SVEP1: variants seen among roughly 807,000 people sequenced by gnomAD.
SVEP1 encodes the protein sushi, von Willebrand factor type A, EGF and pentraxin domain containing 1.
Under a neutral mutation model 367.3 loss-of-function variants are expected in SVEP1, and 164 were observed. That is an observed-to-expected ratio of 0.45 (90% CI 0.39 to 0.51). The LOEUF (loss-of-function observed/expected upper bound fraction) is 0.51, where lower values mean the gene tolerates loss of function less well. SVEP1 is among the 20% of genes least tolerant of loss of function. The pLI, the probability that SVEP1 is intolerant of heterozygous loss-of-function variation, is 0.00. For missense variants in SVEP1, 4,117 were observed against 4,425.3 expected, an observed-to-expected ratio of 0.93 and a Z score of 1.98; for synonymous variants, 1,666 against 1,611.6, an observed-to-expected ratio of 1.03 and a Z score of -0.81.
Position 110,481,299 on chromosome 9 carries a change from C to T in SVEP1, c.2308G>A (p.Ala770Thr), listed in dbSNP as rs937587068. ...TEGSTDKYYC[A>T]YEDGVWKPTY... is the part of the protein sequence containing the mutation. ...GGTTTCCAGACGCCATCTTCATAAG[C>T]ACAATAATACTTGTCAGTAGACCCT... The change falls in exon 12 of 48, where the codon GCT becomes ACT. Residue 770 changes from alanine to threonine, a missense_variant. Physicochemically the swap from Ala to Thr is moderately conservative, Grantham distance 58 (BLOSUM62 0). This residue lies in a region of SVEP1 where 2,174 missense variants were observed against 2,494.3 expected (regional missense o/e 0.87). Coordinates refer to ENST00000374469, the MANE Select transcript of SVEP1 (RefSeq NM_153366.4). 1.2e-6 allele frequency: 2 copies of T among 1,606,338 alleles called. No individual in the cohort carries two copies. Among genetic ancestry groups the T allele is most frequent in the Non-Finnish European group, 1.7e-6 (2 of 1,176,088 alleles).
intron 9 of SVEP1, among the ~76,000 whole-genome samples, chr9:110,487,104 G>T (rs531118966): frequency 3.3e-5 from 5 of 152,210 alleles, no homozygotes; most frequent in Non-Finnish European, 7.4e-5. Flanking sequence ...TTACAGGCAT[G>T]TGCCACCACA....
chr9:110,398,434 C>T (rs1270793308), intron 40 of SVEP1, among the ~76,000 whole-genome samples: 1 of 152,140 alleles, frequency 6.6e-6, no homozygotes, highest in East Asian at 1.9e-4. Flanking sequence ...TAGGCATGGG[C>T]AAGGACTTCA....
chr9:110,405,771 T>A (rs1158865383), intron 38 of SVEP1, among the ~76,000 whole-genome samples: 2 of 152,214 alleles, frequency 1.3e-5, no homozygotes, highest in East Asian at 3.8e-4. Flanking sequence ...TTTTGCCTTA[T>A]GTCCCCAATA....
At chr9:110,514,795 T>C (rs1829779586) in intron 3 of SVEP1, among the ~76,000 whole-genome samples, 1 of 152,200 alleles carries the variant, frequency 6.6e-6, no homozygotes, top group African/African-American at 2.4e-5. Flanking sequence ...TGATGTCCCC[T>C]ATAGCCCAAC....
chr9:110,502,556 C>T (rs1209183220), intron 6 of SVEP1, among the ~76,000 whole-genome samples: 1 of 152,066 alleles, frequency 6.6e-6, no homozygotes, highest in African/African-American at 2.4e-5. Context: ...ATCCTTCTTT[C>T]AATTTGCCTT....
intron 5 of SVEP1, among the ~76,000 whole-genome samples, chr9:110,510,354 T>C (rs1017119401): frequency 1.3e-5 from 2 of 152,230 alleles, no homozygotes; most frequent in South Asian, 2.1e-4. Flanking sequence ...GTAAGCTCTA[T>C]TCCCTGAAAT....
rs1464590830 is a variant in SVEP1, at chr9:110,579,004, G to A, written c.531+9C>T. ...CTAGGGCCCGGGTCGGGAGGGGCGG[G>A]CGCCTTACCGCGGCTTGCTGGAAGG... is the stretch of plus-strand genomic sequence containing the variant. On this transcript the variant is annotated intron_variant, in intron 1 of 47. Transcript: ENST00000374469. This position sits in a 1 kb window ranked among gnomAD's most constrained non-coding sequence, Gnocchi z 5.3. 4 of 1,542,432 alleles carry A rather than the reference G, an allele frequency of 2.6e-6. No homozygotes were observed. The highest frequency in any genetic ancestry group is 2.6e-6 in the Non-Finnish European group (3 of 1,145,746).
chr9:110,530,069 T>C (rs1252499697), intron 3 of SVEP1, among the ~76,000 whole-genome samples: 1 of 152,206 alleles, frequency 6.6e-6, no homozygotes, highest in African/African-American at 2.4e-5. Flanking sequence ...TATAAAGAGA[T>C]GCTGGATTTT....
chr9:110,534,762 T>G (rs537964920), intron 3 of SVEP1, among the ~76,000 whole-genome samples: 1 of 152,312 alleles, frequency 6.6e-6, no homozygotes, highest in South Asian at 2.1e-4. Flanking sequence ...GATTTGCATT[T>G]CTCTAATGAT....
chr9:110,400,930 T>C lies in SVEP1; in HGVS notation c.9746A>G (p.His3249Arg), dbSNP rs865964449. The stretch of plus-strand genomic sequence containing the variant: ...GTATTTACTGCCAACCACAAATCCA[T>C]GTTCTGGACTTTCAGGTTTCCCACA... ...VSCGKPESPE[H>R]GFVVGSKYTF... Residue 3249 changes from histidine to arginine, a missense_variant, in exon 40 of 48, where the codon CAT (histidine) becomes CGT (arginine). His to Arg is a conservative substitution (Grantham distance 29, BLOSUM62 0). Coordinates refer to ENST00000374469, the MANE Select transcript of SVEP1 (RefSeq NM_153366.4). The C allele has an allele frequency of 6.2e-6, 10 of 1,613,934 alleles. No individual in the cohort carries two copies. The highest frequency in any genetic ancestry group is 1.6e-4 in the Middle Eastern group (1 of 6,062).
At position 110,579,570 on chromosome 9, in the gene SVEP1, G is replaced by T; in HGVS notation, c.-27C>A. ...GCGCTGGAGACAGAGCGGCTGCCCC[G>T]GAGCGCAGGCGGCGGCTCGGGCGGG... On this transcript the variant is annotated 5_prime_UTR_variant, in exon 1 of 48. Transcript: ENST00000374469. This position sits in a 1 kb window ranked among gnomAD's most constrained non-coding sequence, Gnocchi z 5.3. 6.5e-7 allele frequency: 1 copy of T among 1,544,422 alleles called. No homozygotes were observed. The highest frequency in any genetic ancestry group is 8.7e-7 in the Non-Finnish European group (1 of 1,151,766).
rs771687534 is a variant in SVEP1 at position 110,408,408 on chromosome 9, G to C, written c.7192C>G (p.Leu2398Val). Reference protein sequence around the residue: ...SFGVPIPSSALHFGSTVKYSC... With the variant: ...SFGVPIPSSAVHFGSTVKYSC... Reference sequence around the variant, plus strand: ...TACTTGACAGTACTTCCAAAATGAAGAGCAGAAGAAGGAATGGGGACACCA... The same window carrying C: ...TACTTGACAGTACTTCCAAAATGAACAGCAGAAGAAGGAATGGGGACACCA... The change falls in exon 38 of 48, where the codon CTT (leucine) becomes GTT (valine). Residue 2398 changes from leucine to valine, a missense_variant. Coordinates refer to ENST00000374469, the MANE Select transcript of SVEP1 (RefSeq NM_153366.4). 1.9e-6 allele frequency: 3 copies of C among 1,613,916 alleles called. No homozygotes were observed. The highest frequency in any genetic ancestry group is 2.2e-5 in the South Asian group (2 of 91,070).
In SVEP1 at chr9:110,411,117, C is replaced by A. The variant is rs372520494; in HGVS notation, c.6594G>T (p.Thr2198=). The change falls in exon 37 of 48, where the codon ACG becomes ACT. Residue 2198 remains threonine, a synonymous_variant. Transcript: ENST00000374469. The part of the protein sequence containing the change: ...ATGQWSSPIP[T]CHPVSCGEPP... ...GTTCACCACAAGATACCGGGTGGCA[C>A]GTCGGTATAGGACTACTCCACTGCC... 11 of 1,610,780 alleles carry A rather than the reference C, an allele frequency of 6.8e-6. No individual in the cohort carries two copies. The highest frequency in any genetic ancestry group is 9.3e-6 in the Non-Finnish European group (11 of 1,178,260).
chr9:110,553,944 T>C (rs10980439), intron 1 of SVEP1, among the ~76,000 whole-genome samples: 37,676 of 152,066 alleles, frequency 0.25, 5,127 homozygotes, highest in African/African-American at 0.36. Context: ...ATACTTTTCC[T>C]TAATGCTTAT....
At chr9:110,578,932 C>G in intron 1 of SVEP1, 81 bp downstream of exon 1, 3 of 1,482,132 alleles carry the variant, frequency 2.0e-6, no homozygotes, top group South Asian at 1.3e-5. Flanking sequence ...AGGACTGAAC[C>G]CCGGGATAGA....
chr9:110,425,107 G>A (rs1230888830), intron 36 of SVEP1, among the ~76,000 whole-genome samples: 2 of 152,084 alleles, frequency 1.3e-5, no homozygotes, highest in Non-Finnish European at 2.9e-5. Context: ...ATATTAAAGG[G>A]GCATCATTTT....
chr9:110,449,640 G>A (rs1828662363), intron 24 of SVEP1, among the ~76,000 whole-genome samples: 1 of 152,148 alleles, frequency 6.6e-6, no homozygotes, highest in Non-Finnish European at 1.5e-5. Context: ...CCGAGATCGT[G>A]CTATTGCACT....
At chr9:110,531,144 G>A (rs1830013121) in intron 3 of SVEP1, among the ~76,000 whole-genome samples, 2 of 152,072 alleles carry the variant, frequency 1.3e-5, no homozygotes, top group Admixed American at 1.3e-4. Context: ...ATATTAAATT[G>A]TAGAATAGAG....
chr9:110,532,014 T>C (rs1830028838), intron 3 of SVEP1, among the ~76,000 whole-genome samples: 1 of 152,162 alleles, frequency 6.6e-6, no homozygotes, highest in East Asian at 1.9e-4. Context: ...CTTGTTCACC[T>C]TCACTTCTCC....
Sources: gnomAD v4.1 joint callset for allele counts (sites outside exome capture counted in the v4.1 genomes callset) on GRCh38, gnomAD v4.1.1 for gene constraint, gnomAD v4.1.1 regional missense constraint, Gnocchi (gnomAD v3.1) non-coding constraint, MANE v1.5 for transcripts, NCBI Gene and HGNC (gene_info 2026-07-23, HGNC 2026-07-21) for gene names.